The following TRIM67 variants were observed in gnomAD, a reference collection of about 807,000 sequenced individuals.
TRIM67 encodes the protein tripartite motif-containing protein 67.
A neutral mutation model predicts 71.0 loss-of-function variants in TRIM67; 39 were observed. The ratio of observed to expected loss-of-function variants is 0.55; its 90% CI spans 0.43 to 0.72. The LOEUF (loss-of-function observed/expected upper bound fraction) is 0.72. TRIM67 is among the 30% of genes least tolerant of loss of function. The probability of loss-of-function intolerance (pLI) is 0.00; values close to 1 mark genes in which losing one functional copy is unlikely to be tolerated. For synonymous variants in TRIM67, 481 were observed against 473.9 expected, an observed-to-expected ratio of 1.01 and a Z score of -0.19; for missense variants, 973 against 1,079.2, an observed-to-expected ratio of 0.90 and a Z score of 1.38.
intron 4 of TRIM67, among the ~76,000 whole-genome samples, chr1:231,200,838 A>T (rs1000185166): frequency 1.1e-4 from 16 of 152,186 alleles, no homozygotes; most frequent in African/African-American, 2.9e-4. Flanking sequence ...GATAAGCAGG[A>T]CTTTCCAGCA....
rs759949329 is a variant in TRIM67, at chr1:231,162,941, G to T, written c.-29G>T. 6 of 1,603,214 alleles carry T rather than the reference G, an allele frequency of 3.7e-6. No homozygotes were observed. Among genetic ancestry groups the T allele is most frequent in the Non-Finnish European group, 4.2e-6 (5 of 1,176,642 alleles). ...CGAGCTCCGGCCATTCATCCCCAGC[G>T]CAGAGCAGCGCTGGCAGCCGGCGCC... On this transcript the variant is annotated 5_prime_UTR_variant, in exon 1 of 10. Transcript: ENST00000366653.
At position 231,163,405 on chromosome 1, in the gene TRIM67, G is replaced by T. The variant is rs1047295221; in HGVS notation, c.436G>T (p.Ala146Ser). ...GSSAAAARGAACSSLSSSSSS... is the reference protein window; with the variant it reads ...GSSAAAARGASCSSLSSSSSS... ...CTCGGCTGCGGCGGCTCGGGGTGCC[G>T]CCTGCTCCTCGCTGTCCTCGTCTTC... The change falls in exon 1 of 10, where the codon GCC becomes TCC. Residue 146 changes from alanine (A) to serine (S), a missense_variant. Transcript: ENST00000366653. 40 of 1,536,360 alleles carry T rather than the reference G, an allele frequency of 2.6e-5. No individual in the cohort carries two copies. Among genetic ancestry groups the T allele is most frequent in the Non-Finnish European group, 3.4e-5 (39 of 1,143,970 alleles).
chr1:231,204,720 TAAATA>T (rs1287555086), intron 6 of TRIM67, among the ~76,000 whole-genome samples: 50 of 152,266 alleles, frequency 3.3e-4, no homozygotes, highest in African/African-American at 1.2e-3. Flanking sequence ...CAGAGAAGAT[TAAATA>T]AACACTCATT....
rs767053310 is a variant in TRIM67 at position 231,186,092 on chromosome 1, G to T, written c.1045-11279G>T. 1.3e-6 allele frequency: 2 copies of T among 1,533,144 alleles called. 1 individual carries two copies. The highest frequency in any genetic ancestry group is 2.4e-5 in the South Asian group (2 of 83,956). The allele number at this position is 1,533,144 out of a possible 1,614,324, so 95.0% of individuals were successfully genotyped here. A position where few individuals can be genotyped will look rare whatever the true frequency, so the allele number is the denominator to read the frequency against. On this transcript the variant is annotated intron_variant, in intron 1 of 9. Coordinates refer to ENST00000366653, the MANE Select transcript of TRIM67 (RefSeq NM_001004342.5). Reference sequence around the variant, plus strand: ...AGAACTCACCTCTCTCCTGATAGGCGGCTGGCAGTCGCTTGCTGAATGAAT... The same window carrying T: ...AGAACTCACCTCTCTCCTGATAGGCTGCTGGCAGTCGCTTGCTGAATGAAT...
intron 8 of TRIM67, among the ~76,000 whole-genome samples, chr1:231,212,745 G>A (rs1165613703): frequency 1.3e-5 from 2 of 152,158 alleles, no homozygotes; most frequent in Non-Finnish European, 2.9e-5. Context: ...AGGAAGGGAA[G>A]GAGAGTCTGC....
chr1:231,186,020 G>A, intron 1 of TRIM67: 3 of 1,410,326 alleles, frequency 2.1e-6, no homozygotes, highest in Non-Finnish European at 1.9e-6. Context: ...TAGGTGCTTG[G>A]GTTGCAGATT....
In TRIM67 at chr1:231,164,794, C is replaced by T. The variant is rs542785946; in HGVS notation, c.1044+781C>T. ...CCAAGGCTATCCAACTGGAAATAAG[C>T]AAAAAGGTGAGCACAGATGAGAGGA... On this transcript the variant is annotated intron_variant, in intron 1 of 9. Coordinates refer to ENST00000366653, the MANE Select transcript of TRIM67 (RefSeq NM_001004342.5). Among the ~76,000 whole-genome samples, 20 of 152,152 alleles carry T rather than the reference C, an allele frequency of 1.3e-4. 1 individual carries two copies. The South Asian group carries it at 3.9e-3, about 30-fold the overall frequency.
At chr1:231,214,826 A>G (rs1683972186) in intron 9 of TRIM67, among the ~76,000 whole-genome samples, 1 of 150,394 alleles carries the variant, frequency 6.6e-6, no homozygotes, top group South Asian at 2.1e-4. Context: ...TTGGCCTGAC[A>G]TGGTGGCTCA....
At chr1:231,187,231 C>T (rs544824922) in intron 1 of TRIM67, among the ~76,000 whole-genome samples, 12 of 152,242 alleles carry the variant, frequency 7.9e-5, no homozygotes, top group Non-Finnish European at 1.3e-4. Flanking sequence ...AAAGACCTGC[C>T]TCTGTTGGCC....
intron 1 of TRIM67, among the ~76,000 whole-genome samples, chr1:231,189,278 C>A (rs1451943565): frequency 6.6e-6 from 1 of 152,064 alleles, no homozygotes; most frequent in South Asian, 2.1e-4. Context: ...TCAATGATGG[C>A]CTCCAAGGAC....
intron 1 of TRIM67, among the ~76,000 whole-genome samples, chr1:231,182,342 G>A (rs766023046): frequency 1.1e-4 from 17 of 152,098 alleles, no homozygotes; most frequent in African/African-American, 4.8e-5. Flanking sequence ...TGGGAGGATC[G>A]CCTGAGGCCA....
In TRIM67 at chr1:231,163,098, G is replaced by T. The variant is rs748107269; in HGVS notation, c.129G>T (p.Gln43His). The stretch of plus-strand genomic sequence containing the variant: ...CGGTGCAGACCCCGGACGGTGAGCA[G>T]CACCTGCCCCAGCCGCTCCTGCTTT... ...TIAVQTPDGE[Q>H]HLPQPLLLSR... Residue 43 changes from glutamine (Q) to histidine (H), a missense_variant, in exon 1 of 10, where the codon CAG becomes CAT. By Grantham distance (24) the Gln-to-His change is conservative (BLOSUM62 0). Around this residue, in one of 2 missense-constraint regions of TRIM67, gnomAD observed 795 missense variants for 831.3 expected, o/e 0.96. Coordinates refer to ENST00000366653, the MANE Select transcript of TRIM67 (RefSeq NM_001004342.5). The T allele has an allele frequency of 1.3e-6, 2 of 1,571,506 alleles. No individual in the cohort carries two copies. Among genetic ancestry groups the T allele is most frequent in the African/African-American group, 2.7e-5 (2 of 72,916 alleles).
At chr1:231,184,917 T>C (rs1683018564) in intron 1 of TRIM67, 1 of 1,112,552 alleles carries the variant, frequency 9.0e-7, no homozygotes, top group Non-Finnish European at 1.3e-6. Flanking sequence ...AAAATTAGGG[T>C]TTGAATTCAG....
chr1:231,162,830 C>T lies in TRIM67; in HGVS notation c.-140C>T. ...AGGACAGAGAGAGGGGCGTGCCCCT[C>T]GGCTGTGAAGTGGGCATGCCCGTGT... On this transcript the variant is annotated 5_prime_UTR_variant, in exon 1 of 10. Transcript: ENST00000366653. The T allele has an allele frequency of 2.7e-6, 3 of 1,108,206 alleles. No homozygotes were observed. Among genetic ancestry groups the T allele is most frequent in the South Asian group, 1.6e-5 (1 of 63,540 alleles). 68.6% of individuals were successfully genotyped at this position (1,108,206 alleles called of 1,614,324 possible).
chr1:231,188,082 G>A (rs1008758205), intron 1 of TRIM67, among the ~76,000 whole-genome samples: 3 of 152,142 alleles, frequency 2.0e-5, no homozygotes, highest in Admixed American at 6.5e-5. Flanking sequence ...ATCTATGACT[G>A]TGTCCACATA....
chr1:231,218,872 C>T lies in TRIM67; in HGVS notation c.*3432C>T. 1 of 985,488 alleles carries T rather than the reference C, an allele frequency of 1.0e-6. No individual in the cohort carries two copies. 61.0% of individuals were successfully genotyped at this position (985,488 alleles called of 1,614,324 possible). A position where few individuals can be genotyped will look rare whatever the true frequency, so the allele number is the denominator to read the frequency against. On this transcript the variant is annotated 3_prime_UTR_variant, in exon 10 of 10. Coordinates refer to ENST00000366653, the MANE Select transcript of TRIM67 (RefSeq NM_001004342.5). ...CCCTCCTCTTTGCGCCCTTTCTCTC[C>T]CTCTTGGTGCCCCTGCCCTCCGCCC... is the stretch of plus-strand genomic sequence containing the variant.
intron 1 of TRIM67, among the ~76,000 whole-genome samples, chr1:231,182,428 C>T (rs2102728018): frequency 6.6e-6 from 1 of 152,096 alleles, no homozygotes; most frequent in Middle Eastern, 3.4e-3. Context: ...ATAGTAAATA[C>T]ACGATTACAG....
chr1:231,181,502 TG>T (rs1349557756), intron 1 of TRIM67, among the ~76,000 whole-genome samples: 2 of 152,250 alleles, frequency 1.3e-5, no homozygotes, highest in African/African-American at 4.8e-5. Flanking sequence ...TAGCTTAAGC[TG>T]TCTGATACAA....
Position 231,206,676 on chromosome 1 carries a change from TTG to T in TRIM67, c.1709_1710del (p.Cys570TyrfsTer28). On this transcript the variant is annotated frameshift_variant, in exon 7 of 10. Transcript: ENST00000366653. LOFTEE classifies it high-confidence loss of function. ...GGAAGTGTACGTCGGTAAGGAGACT[TTG>T]TGTACCATCGACGGTCTTCACTTCA... Reference protein sequence around the residue: ...FREVYVGKETLCTIDGLHFNS... With the variant: ...FREVYVGKETXCTIDGLHFNS... The T allele has an allele frequency of 6.2e-7, 1 of 1,609,902 alleles. No homozygotes were observed. Among genetic ancestry groups the T allele is most frequent in the Non-Finnish European group, 8.5e-7 (1 of 1,178,176 alleles).
Sources: allele counts gnomAD v4.1 joint callset (sites outside exome capture counted in the v4.1 genomes callset), GRCh38; gene constraint gnomAD v4.1.1; regional missense constraint gnomAD v4.1.1; transcripts MANE v1.5; gene names NCBI Gene and HGNC (gene_info 2026-07-23, HGNC 2026-07-21).